ZDBF2: variants seen among roughly 807,000 people sequenced by gnomAD.
ZDBF2 encodes the protein DBF4-type zinc finger-containing protein 2.
In ZDBF2, 6 loss-of-function variants were observed where a neutral mutation model predicts 9.4. The ratio of observed to expected loss-of-function variants is 0.64; its 90% CI spans 0.35 to 1.27. The LOEUF is 1.27. Among genes scored for constraint, ZDBF2 ranks in the 50% most tolerant of loss-of-function variants. The pLI, the probability that ZDBF2 is intolerant of heterozygous loss-of-function variation, is 0.03. For missense variants in ZDBF2, 2,697 were observed against 2,766.8 expected, an observed-to-expected ratio of 0.97 and a Z score of 0.57; for synonymous variants, 905 against 946.3, an observed-to-expected ratio of 0.96 and a Z score of 0.80.
chr2:206,283,086 T>C (rs183372975), intron 3 of ZDBF2, among the ~76,000 whole-genome samples: 5 of 152,398 alleles, frequency 3.3e-5, no homozygotes, highest in Admixed American at 3.3e-4. Flanking sequence ...ATTGCATGGA[T>C]ATATCACATT....
At chr2:206,303,416 G>A (rs1007912599) in intron 4 of ZDBF2, among the ~76,000 whole-genome samples, 1 of 152,008 alleles carries the variant, frequency 6.6e-6, no homozygotes, top group Non-Finnish European at 1.5e-5. Context: ...GTAGATGGTT[G>A]TTACATGAAT....
chr2:206,308,867 T>G lies in ZDBF2; in HGVS notation c.4339T>G (p.Cys1447Gly). The G allele has an allele frequency of 6.2e-7, 1 of 1,612,988 alleles. No homozygotes were observed. Among genetic ancestry groups the G allele is most frequent in the East Asian group, 2.2e-5 (1 of 44,890 alleles). ...TCATAATGATCTAGAAAATAAGAAC[T>G]GTGAAGTCTGTGGTTCTGAAATAAA... Reference protein sequence around the residue: ...KDHNDLENKNCEVCGSEIKCH... With the variant: ...KDHNDLENKNGEVCGSEIKCH... Residue 1447 changes from cysteine (C) to glycine (G), a missense_variant, in exon 5 of 5, where the codon TGT (cysteine) becomes GGT (glycine). Physicochemically the swap from Cys to Gly is radical, Grantham distance 159. Transcript: ENST00000374423.
In ZDBF2 at chr2:206,305,212, T is replaced by A. The variant is rs1692713075; in HGVS notation, c.684T>A (p.Leu228=). The A allele has an allele frequency of 1.9e-6, 3 of 1,613,842 alleles. No individual in the cohort carries two copies. The East Asian group carries it at 6.7e-5, about 36-fold the overall frequency. Residue 228 remains leucine (L), a synonymous_variant, in exon 5 of 5, where the codon CTT becomes CTA. Transcript: ENST00000374423. ...ACCCAAACAAAGTTGAGAAATATCT[T>A]GAACAGCCAGATGGGGCCTCTAGAA... The part of the protein sequence containing the change: ...KCDPNKVEKY[L]EQPDGASRNP...
intron 4 of ZDBF2, among the ~76,000 whole-genome samples, chr2:206,299,632 TAAA>T (rs951655993): frequency 2.0e-5 from 3 of 151,832 alleles, no homozygotes; most frequent in Non-Finnish European, 4.4e-5. Context: ...GACTCCTTCT[TAAA>T]AAAAGATTTT....
chr2:206,304,996 G>T lies in ZDBF2; in HGVS notation c.468G>T (p.Gly156=). The T allele has an allele frequency of 6.2e-7, 1 of 1,613,576 alleles. No homozygotes were observed. Among genetic ancestry groups the T allele is most frequent in the African/African-American group, 1.3e-5 (1 of 74,988 alleles). The change falls in exon 5 of 5, where the codon GGG becomes GGT. Residue 156 remains glycine, a synonymous_variant. Coordinates refer to ENST00000374423, the MANE Select transcript of ZDBF2 (RefSeq NM_020923.3). The stretch of plus-strand genomic sequence containing the variant: ...CCTTGGAGTTTGTTCATAAAATTGG[G>T]GCCAGTGTGAGAAAATGTAACCTAG... ...QQPLEFVHKI[G]ASVRKCNLVD...
chr2:206,299,856 CT>C (rs1208531176), intron 4 of ZDBF2, among the ~76,000 whole-genome samples: 1 of 151,780 alleles, frequency 6.6e-6, no homozygotes, highest in African/African-American at 2.4e-5. Flanking sequence ...GCCTGTAATC[CT>C]ACCACTTTGG....
intron 1 of ZDBF2, among the ~76,000 whole-genome samples, chr2:206,278,681 T>C (rs1691153662): frequency 1.3e-5 from 2 of 152,212 alleles, no homozygotes; most frequent in Non-Finnish European, 2.9e-5. Flanking sequence ...GCTTGTTGTA[T>C]CATTTCCCAA....
chr2:206,309,252 G>C lies in ZDBF2; in HGVS notation c.4724G>C (p.Cys1575Ser). 1 of 1,609,468 alleles carries C rather than the reference G, an allele frequency of 6.2e-7. No individual in the cohort carries two copies. Among genetic ancestry groups the C allele is most frequent in the Non-Finnish European group, 8.5e-7 (1 of 1,177,598 alleles). Reference protein sequence around the residue: ...TECIDIEDKSCDFFGSEVRCN... With the variant: ...TECIDIEDKSSDFFGSEVRCN... Reference sequence around the variant, plus strand: ...TGTATTGATATAGAAGATAAGAGCTGTGACTTTTTTGGTTCTGAAGTCAGA... The same window carrying C: ...TGTATTGATATAGAAGATAAGAGCTCTGACTTTTTTGGTTCTGAAGTCAGA... The change falls in exon 5 of 5, where the codon TGT (cysteine) becomes TCT (serine). Residue 1575 changes from cysteine (C) to serine (S), a missense_variant. Physicochemically the swap from Cys to Ser is moderately radical, Grantham distance 112. Transcript: ENST00000374423.
At chr2:206,302,004 C>G (rs989774309) in intron 4 of ZDBF2, among the ~76,000 whole-genome samples, 1 of 149,388 alleles carries the variant, frequency 6.7e-6, no homozygotes, top group East Asian at 2.0e-4. Flanking sequence ...CTTTTTAGCT[C>G]AAGAGTTTAG....
intron 4 of ZDBF2, among the ~76,000 whole-genome samples, 161 bp downstream of exon 4, chr2:206,297,534 A>G (rs1450532733): frequency 2.0e-5 from 3 of 152,264 alleles, no homozygotes; most frequent in Non-Finnish European, 4.4e-5. Context: ...TCTTAGCTGA[A>G]GTAAGAAATT....
At chr2:206,297,719 G>T (rs1475618439) in intron 4 of ZDBF2, among the ~76,000 whole-genome samples, 2 of 152,054 alleles carry the variant, frequency 1.3e-5, no homozygotes, top group African/African-American at 2.4e-5. Context: ...CGCTCTTGTT[G>T]CCCAGGGTAG....
chr2:206,286,943 A>G (rs2105909735), intron 3 of ZDBF2, among the ~76,000 whole-genome samples: 1 of 152,144 alleles, frequency 6.6e-6, no homozygotes, highest in East Asian at 1.9e-4. Flanking sequence ...TTCTGTAGTA[A>G]GTAGGTAGTA....
In ZDBF2 at chr2:206,308,327, T is replaced by C. The variant is rs1404550676; in HGVS notation, c.3799T>C (p.Trp1267Arg). 6.2e-7 allele frequency: 1 copy of C among 1,613,462 alleles called. No homozygotes were observed. Among genetic ancestry groups the C allele is most frequent in the Non-Finnish European group, 8.5e-7 (1 of 1,179,774 alleles). ...AGAAGTAGTTAAGGAGGTCAGTCTTTGGAAAGAGCATGTTGACTTGGAAAA... is the reference window on the plus strand; with the variant it reads ...AGAAGTAGTTAAGGAGGTCAGTCTTCGGAAAGAGCATGTTGACTTGGAAAA... ...PEEVVKEVSLWKEHVDLENKI... is the reference protein window; with the variant it reads ...PEEVVKEVSLRKEHVDLENKI... The change falls in exon 5 of 5, where the codon TGG (tryptophan) becomes CGG (arginine). Residue 1267 changes from tryptophan to arginine, a missense_variant. By Grantham distance (101) the Trp-to-Arg change is moderately radical. This residue lies in a region of ZDBF2 where 1,783 missense variants were observed against 1,776.5 expected (regional missense o/e 1.00). Transcript: ENST00000374423.
At position 206,286,488 on chromosome 2, in the gene ZDBF2, A is replaced by G. The variant is rs139515438; in HGVS notation, c.60+4579A>G. Among the ~76,000 whole-genome samples the G allele has an allele frequency of 9.4e-5, 14 of 148,330 alleles. No individual in the cohort carries two copies. In the East Asian group the frequency reaches 2.2e-3, roughly 23 times the overall value. ...TGTTTTATCTATCATAAATGTAGCTACTCCTCCTCACTTTTGGTTTCCAGT... is the reference window on the plus strand; with the variant it reads ...TGTTTTATCTATCATAAATGTAGCTGCTCCTCCTCACTTTTGGTTTCCAGT... On this transcript the variant is annotated intron_variant, in intron 3 of 4. Coordinates refer to ENST00000374423, the MANE Select transcript of ZDBF2 (RefSeq NM_020923.3).
intron 3 of ZDBF2, among the ~76,000 whole-genome samples, chr2:206,293,538 C>G (rs1692008108): frequency 6.6e-6 from 1 of 152,018 alleles, no homozygotes; most frequent in Non-Finnish European, 1.5e-5. Context: ...TATAATTGAG[C>G]AAAGAACTGG....
rs753276673 is a variant in ZDBF2, at chr2:206,305,996, A to G, written c.1468A>G (p.Ser490Gly). The G allele has an allele frequency of 1.2e-5, 20 of 1,613,322 alleles. No homozygotes were observed. Among genetic ancestry groups the G allele is most frequent in the Admixed American group, 1.7e-5 (1 of 59,964 alleles). The change falls in exon 5 of 5, where the codon AGT (serine) becomes GGT (glycine). Residue 490 changes from serine (S) to glycine (G), a missense_variant. This residue lies in a region of ZDBF2 where 910 missense variants were observed against 973.6 expected (regional missense o/e 0.93). Coordinates refer to ENST00000374423, the MANE Select transcript of ZDBF2 (RefSeq NM_020923.3). The part of the protein sequence containing the change: ...ISLVDQSYES[S>G]SSETNFDCDA... ...CCTGGTTGACCAAAGCTATGAATCT[A>G]GTAGTTCTGAAACGAATTTTGATTG...
chr2:206,314,263 C>CTTTTTTTTTTTTTTT lies in ZDBF2; in HGVS notation c.*2673_*2687dup. 1 of 129,790 alleles carries CTTTTTTTTTTTTTTT rather than the reference C, an allele frequency of 7.7e-6. No individual in the cohort carries two copies. The highest frequency in any genetic ancestry group is 1.6e-5 in the Non-Finnish European group (1 of 62,192). 8.0% of individuals were successfully genotyped at this position (129,790 alleles called of 1,614,324 possible). On this transcript the variant is annotated 3_prime_UTR_variant, in exon 5 of 5. Transcript: ENST00000374423. ...TATGTAACTAGGGCTGTGAGTAACA[C>CTTTTTTTTTTTTTTT]TTTTTTTTTTTTTTTTTGGTTAAAG...
At chr2:206,292,944 G>A (rs541060796) in intron 3 of ZDBF2, among the ~76,000 whole-genome samples, 1 of 152,072 alleles carries the variant, frequency 6.6e-6, no homozygotes, top group Admixed American at 6.6e-5. Flanking sequence ...TCTCAGAGAA[G>A]TATTTTTTTT....
rs769354496 is a variant in ZDBF2 at position 206,309,854 on chromosome 2, G to T, written c.5326G>T (p.Val1776Leu). ...TVKKRHPCKK[V>L]SSDLKEKNHD... ...TAAGAAAAGACACCCTTGTAAGAAGGTATCTTCTGACTTGAAAGAAAAGAA... is the reference window on the plus strand; with the variant it reads ...TAAGAAAAGACACCCTTGTAAGAAGTTATCTTCTGACTTGAAAGAAAAGAA... The change falls in exon 5 of 5, where the codon GTA (valine) becomes TTA (leucine). Residue 1776 changes from valine (V) to leucine (L), a missense_variant. Transcript: ENST00000374423. 1.9e-6 allele frequency: 3 copies of T among 1,613,780 alleles called. No homozygotes were observed. Among genetic ancestry groups the T allele is most frequent in the East Asian group, 4.5e-5 (2 of 44,886 alleles).
Sources: allele counts gnomAD v4.1 joint callset (sites outside exome capture counted in the v4.1 genomes callset), GRCh38; gene constraint gnomAD v4.1.1; regional missense constraint gnomAD v4.1.1; transcripts MANE v1.5; gene names NCBI Gene and HGNC (gene_info 2026-07-23, HGNC 2026-07-21).